Variants in RARB observed in about 807,000 individuals in gnomAD.
RARB encodes the protein HBV-activated protein.
In RARB, 17 loss-of-function variants were observed where a neutral mutation model predicts 51.9. The ratio of observed to expected loss-of-function variants is 0.33; its 90% CI spans 0.22 to 0.49. The LOEUF (loss-of-function observed/expected upper bound fraction) is 0.49. RARB is among the 20% of genes least tolerant of loss of function. RARB has a pLI of 0.99. For missense variants in RARB, 369 were observed against 550.8 expected (o/e 0.67, Z 3.30); for synonymous variants, 215 against 195.4 (o/e 1.10, Z -0.84).
intron 5 of RARB, among the ~76,000 whole-genome samples, chr3:25,330,889 A>G (rs1203702029): frequency 6.6e-6 from 1 of 152,250 alleles, no homozygotes; most frequent in Non-Finnish European, 1.5e-5. Flanking sequence ...TCTCTGATAA[A>G]ACAGACTTTA....
At chr3:25,138,255 G>C (rs1313962443) in intron 4 of RARB, among the ~76,000 whole-genome samples, 3 of 151,796 alleles carry the variant, frequency 2.0e-5, no homozygotes, top group Non-Finnish European at 4.4e-5. Context: ...ATATATCCAT[G>C]AAGAAATTAT....
chr3:25,567,607 A>T (rs1700552324), intron 3 of RARB, among the ~76,000 whole-genome samples: 1 of 152,158 alleles, frequency 6.6e-6, no homozygotes, highest in Non-Finnish European at 1.5e-5. Context: ...TGTCATGAAC[A>T]TTCATGGACA....
intron 4 of RARB, among the ~76,000 whole-genome samples, chr3:25,150,287 T>C (rs369231233): frequency 6.6e-6 from 1 of 152,174 alleles, no homozygotes; most frequent in Non-Finnish European, 1.5e-5. Context: ...CTAGTTCATC[T>C]GACAAACAGA....
At chr3:25,516,925 C>A (rs1490479389) in intron 3 of RARB, among the ~76,000 whole-genome samples, 1 of 152,178 alleles carries the variant, frequency 6.6e-6, no homozygotes, top group African/African-American at 2.4e-5. Context: ...CTGTGTCCAG[C>A]TTCCTTGTCC....
chr3:25,002,771 T>TAC (rs1221961594), intron 2 of RARB, among the ~76,000 whole-genome samples: 7 of 152,032 alleles, frequency 4.6e-5, no homozygotes, highest in African/African-American at 1.7e-4. Flanking sequence ...TATATATATA[T>TAC]ATATGAATTT....
intron 5 of RARB, among the ~76,000 whole-genome samples, chr3:25,226,986 A>G (rs1366496338): frequency 6.6e-6 from 1 of 152,236 alleles, no homozygotes; most frequent in Non-Finnish European, 1.5e-5. Context: ...ATTTAATTAG[A>G]TCATTTGCTT....
At chr3:25,027,315 C>CA (rs1697769339) in intron 2 of RARB, among the ~76,000 whole-genome samples, 1 of 152,104 alleles carries the variant, frequency 6.6e-6, no homozygotes, top group South Asian at 2.1e-4. Context: ...GTCCTGGGGT[C>CA]AGGTGACCTG....
chr3:25,122,255 C>T (rs1220549318), intron 3 of RARB, among the ~76,000 whole-genome samples: 3 of 151,838 alleles, frequency 2.0e-5, no homozygotes, highest in Admixed American at 6.6e-5. Flanking sequence ...AGAAGTTGTG[C>T]GATGCTTAAC....
At chr3:25,083,740 G>T (rs1471653756) in intron 3 of RARB, among the ~76,000 whole-genome samples, 1 of 152,072 alleles carries the variant, frequency 6.6e-6, no homozygotes, top group Non-Finnish European at 1.5e-5. Context: ...GGGACTCTGG[G>T]TTGTATTATC....
At chr3:25,079,154 C>T (rs1698937957) in intron 3 of RARB, among the ~76,000 whole-genome samples, 1 of 151,870 alleles carries the variant, frequency 6.6e-6, no homozygotes, top group Non-Finnish European at 1.5e-5. Flanking sequence ...TTCTTGTCAA[C>T]AGTATTGTAT....
rs574435314 is a variant in RARB at position 25,170,336 on chromosome 3, G to A, written c.-279-3783G>A. Among the ~76,000 whole-genome samples the A allele has an allele frequency of 3.7e-4, 57 of 152,210 alleles. 1 individual carries two copies. In the South Asian group the frequency reaches 4.1e-3, roughly 11 times the overall value. On this transcript the variant is annotated intron_variant, in intron 4 of 11. Coordinates refer to the RARB transcript ENST00000383772. ...TACAGAAGAAATTTGCCAACCTCACGTCTAGAGCTGTGGCTCTCAAATGTT... is the reference window on the plus strand; with the variant it reads ...TACAGAAGAAATTTGCCAACCTCACATCTAGAGCTGTGGCTCTCAAATGTT...
intron 2 of RARB, among the ~76,000 whole-genome samples, chr3:24,897,574 T>A (rs1703504213): frequency 6.6e-6 from 1 of 152,194 alleles, no homozygotes; most frequent in Non-Finnish European, 1.5e-5. Context: ...CTTGAAGCTA[T>A]ATTTAGTTAA....
At chr3:25,345,745 C>T (rs1253252592) in intron 5 of RARB, among the ~76,000 whole-genome samples, 1 of 151,258 alleles carries the variant, frequency 6.6e-6, no homozygotes, top group African/African-American at 2.4e-5. Flanking sequence ...TATTGTTAAT[C>T]GTTAATCCTG....
chr3:25,415,345 G>T (rs1707673878), intron 5 of RARB, among the ~76,000 whole-genome samples: 1 of 151,962 alleles, frequency 6.6e-6, no homozygotes, highest in Non-Finnish European at 1.5e-5. Context: ...TTTAGGTCCA[G>T]GATCCATTTT....
intron 2 of RARB, among the ~76,000 whole-genome samples, chr3:24,943,858 T>C (rs1050915148): frequency 5.9e-5 from 9 of 152,210 alleles, no homozygotes; most frequent in Non-Finnish European, 8.8e-5. Flanking sequence ...ATGGTCATTA[T>C]GTCATGGAGG....
intron 2 of RARB, among the ~76,000 whole-genome samples, chr3:25,492,406 T>C (rs1292382698): frequency 6.6e-6 from 1 of 152,244 alleles, no homozygotes; most frequent in Non-Finnish European, 1.5e-5. Context: ...ATAAAGAACA[T>C]TGTGAACTGA....
intron 5 of RARB, among the ~76,000 whole-genome samples, chr3:25,279,043 C>G (rs1307336489): frequency 6.6e-6 from 1 of 152,190 alleles, no homozygotes; most frequent in Non-Finnish European, 1.5e-5. Flanking sequence ...GTGGTGATCA[C>G]AGAAATACCA....
intron 5 of RARB, among the ~76,000 whole-genome samples, chr3:25,329,473 C>T (rs576393281): frequency 7.5e-4 from 114 of 152,228 alleles, no homozygotes; most frequent in African/African-American, 2.7e-3. Context: ...AACTAATAAA[C>T]AGAAAGGACA....
At chr3:24,901,146 G>A (rs573250135) in intron 2 of RARB, among the ~76,000 whole-genome samples, 1 of 152,250 alleles carries the variant, frequency 6.6e-6, no homozygotes, top group African/African-American at 2.4e-5. Flanking sequence ...GCATTAAAAA[G>A]AAAGAACAGT....
Sources: allele counts gnomAD v4.1 joint callset (sites outside exome capture counted in the v4.1 genomes callset), GRCh38; gene constraint gnomAD v4.1.1; transcripts MANE v1.5; gene names NCBI Gene and HGNC (gene_info 2026-07-23, HGNC 2026-07-21).